The following HPSE2 variants were observed in gnomAD, a reference collection of about 807,000 sequenced individuals.
HPSE2 encodes heparanase 2 (inactive), also known as inactive heparanase-2.
Under a neutral mutation model 60.5 loss-of-function variants are expected in HPSE2, and 38 were observed. The ratio of observed to expected loss-of-function variants is 0.63; its 90% CI spans 0.48 to 0.82. The LOEUF (loss-of-function observed/expected upper bound fraction) is 0.82. Among genes scored for constraint, HPSE2 ranks in the 40% least tolerant of loss-of-function variants. HPSE2 has a pLI of 0.00. For synonymous variants in HPSE2, 295 were observed against 293.2 expected (o/e 1.01, Z -0.06); for missense variants, 713 against 740.4 (o/e 0.96, Z 0.43).
rs1849690969 is a variant in HPSE2 at position 99,232,525 on chromosome 10, G to A, written c.291-20C>T. ...TTGGAGCTGCAGAGGAAGAGAATAA[G>A]AGAGGAAAGGTTCCCAGGACAGGAC... On this transcript the variant is annotated intron_variant, in intron 1 of 11. Transcript: ENST00000370552. 1 of 1,550,268 alleles carries A rather than the reference G, an allele frequency of 6.5e-7. No individual in the cohort carries two copies. Among genetic ancestry groups the A allele is most frequent in the Non-Finnish European group, 8.7e-7 (1 of 1,147,260 alleles).
At chr10:98,593,815 A>G (rs190392426) in intron 9 of HPSE2, among the ~76,000 whole-genome samples, 36 of 152,300 alleles carry the variant, frequency 2.4e-4, no homozygotes, top group African/African-American at 8.4e-4. Context: ...ACATAGTATG[A>G]GATGTTTTAG....
At chr10:99,268,423 C>T in the HPSE2 span, among the ~76,000 whole-genome samples, 4,178 of 152,078 alleles carry the variant, frequency 0.027, 191 homozygotes, top group African/African-American at 0.095. Flanking sequence ...CTGGGTGGAT[C>T]ATGAGGTCAG....
At chr10:99,273,183 T>C in the HPSE2 span, among the ~76,000 whole-genome samples, 8 of 152,266 alleles carry the variant, frequency 5.3e-5, no homozygotes, top group African/African-American at 1.2e-4. Context: ...AACTAAACTT[T>C]GTATGTTCTC....
At chr10:99,280,668 A>G in the HPSE2 span, among the ~76,000 whole-genome samples, 5 of 152,176 alleles carry the variant, frequency 3.3e-5, no homozygotes, top group African/African-American at 9.7e-5. Context: ...TTGCATATGT[A>G]ACACAGCTCT....
chr10:99,220,878 G>A (rs1193761005), intron 2 of HPSE2, among the ~76,000 whole-genome samples: 2 of 146,170 alleles, frequency 1.4e-5, no homozygotes, highest in Admixed American at 1.4e-4. Context: ...TTTTTTTGAC[G>A]GAGTTTCACT....
chr10:99,308,816 G>C, the HPSE2 span, among the ~76,000 whole-genome samples: 1 of 152,068 alleles, frequency 6.6e-6, no homozygotes, highest in East Asian at 1.9e-4. Flanking sequence ...CATCATTCTT[G>C]AACAATTGTT....
the HPSE2 span, among the ~76,000 whole-genome samples, chr10:99,266,115 C>T: frequency 6.6e-6 from 1 of 152,178 alleles, no homozygotes; most frequent in African/African-American, 2.4e-5. Flanking sequence ...CAACCTAACA[C>T]GAAGTTTCCC....
At chr10:98,838,085 T>G (rs1227380132) in intron 3 of HPSE2, among the ~76,000 whole-genome samples, 8 of 152,200 alleles carry the variant, frequency 5.3e-5, no homozygotes, top group Admixed American at 5.2e-4. Flanking sequence ...CATTTGAAAC[T>G]GCCCCTAACA....
intron 3 of HPSE2, among the ~76,000 whole-genome samples, chr10:98,912,585 A>G (rs758241649): frequency 7.9e-5 from 12 of 152,216 alleles, no homozygotes; most frequent in Admixed American, 2.6e-4. Flanking sequence ...AATGTGGTAC[A>G]TATACACAAT....
chr10:98,988,566 AT>A (rs1457389267), intron 3 of HPSE2, among the ~76,000 whole-genome samples: 2 of 151,828 alleles, frequency 1.3e-5, no homozygotes, highest in Non-Finnish European at 2.9e-5. Flanking sequence ...AGGCATTACC[AT>A]TCAGGACATA....
intron 3 of HPSE2, among the ~76,000 whole-genome samples, chr10:98,856,741 G>T (rs1417001628): frequency 6.6e-6 from 1 of 152,062 alleles, no homozygotes; most frequent in Non-Finnish European, 1.5e-5. Flanking sequence ...TCACTACAAA[G>T]ATTATTTTCA....
At chr10:98,615,161 A>T in intron 8 of HPSE2, 143 bp from the exon 9 acceptor site, 1 of 664,082 alleles carries the variant, frequency 1.5e-6, no homozygotes, top group South Asian at 1.7e-5. Flanking sequence ...GGTTATTTTA[A>T]GCATTAAGTT....
At chr10:98,726,053 C>G (rs1201296197) in intron 4 of HPSE2, among the ~76,000 whole-genome samples, 1 of 152,178 alleles carries the variant, frequency 6.6e-6, no homozygotes, top group Non-Finnish European at 1.5e-5. Context: ...TAAACTAGTT[C>G]AACCATTGTG....
intron 9 of HPSE2, among the ~76,000 whole-genome samples, chr10:98,553,445 T>A (rs1943916401): frequency 6.6e-6 from 1 of 152,206 alleles, no homozygotes. Context: ...GTGTGTTCAG[T>A]CTCACCAAAT....
chr10:98,721,844 A>G lies in HPSE2; in HGVS notation c.785-16T>C, dbSNP rs1195580868. 4 of 1,612,130 alleles carry G rather than the reference A, an allele frequency of 2.5e-6. No homozygotes were observed. The highest frequency in any genetic ancestry group is 3.3e-5 in the Admixed American group (2 of 59,908). On this transcript the variant is annotated splice_polypyrimidine_tract_variant and intron_variant, in intron 4 of 11. Coordinates refer to ENST00000370552, the MANE Select transcript of HPSE2 (RefSeq NM_021828.5). ...TTATTTGGCTCTAGATTAAAAGCAG[A>G]CATGTAAGTCAGAATGAGAAGTGTA...
intron 3 of HPSE2, among the ~76,000 whole-genome samples, chr10:98,753,549 T>C (rs1482962952): frequency 2.0e-5 from 3 of 152,214 alleles, no homozygotes; most frequent in African/African-American, 7.2e-5. Context: ...TATCAATACA[T>C]TGGAATATTA....
chr10:98,976,911 A>G (rs1956099492), intron 3 of HPSE2, among the ~76,000 whole-genome samples: 2 of 152,170 alleles, frequency 1.3e-5, no homozygotes, highest in Admixed American at 6.6e-5. Flanking sequence ...AAAGACACAC[A>G]GAGGAAAAGA....
intron 3 of HPSE2, among the ~76,000 whole-genome samples, chr10:98,831,020 T>C (rs1374412584): frequency 6.6e-6 from 1 of 152,202 alleles, no homozygotes; most frequent in East Asian, 1.9e-4. Flanking sequence ...CTGCTCCAGA[T>C]GTTAACATCT....
chr10:99,218,062 T>G (rs1589834039), intron 2 of HPSE2, among the ~76,000 whole-genome samples: 1 of 152,072 alleles, frequency 6.6e-6, no homozygotes, highest in East Asian at 1.9e-4. Flanking sequence ...TTGTAACATT[T>G]AAGTGATCAA....
Sources: allele counts gnomAD v4.1 joint callset (sites outside exome capture counted in the v4.1 genomes callset), GRCh38; gene constraint gnomAD v4.1.1; transcripts MANE v1.5; gene names NCBI Gene and HGNC (gene_info 2026-07-23, HGNC 2026-07-21).